The following CNTN5 variants were observed in gnomAD, a reference collection of about 807,000 sequenced individuals.
CNTN5 encodes the protein contactin 5, also known as contactin-5.
In CNTN5, 77 loss-of-function variants were observed where a neutral mutation model predicts 129.1. The observed-to-expected ratio is 0.60, with a 90% CI of 0.50 to 0.72. CNTN5 has a LOEUF of 0.72. Among genes scored for constraint, CNTN5 ranks in the 30% least tolerant of loss-of-function variants. CNTN5 has a pLI of 0.00. For missense variants in CNTN5, 1,478 were observed against 1,328.8 expected (o/e 1.11, Z -1.75); for synonymous variants, 509 against 465.6 (o/e 1.09, Z -1.20).
chr11:99,503,119 T>C (rs1434171495), intron 2 of CNTN5, among the ~76,000 whole-genome samples: 3 of 152,230 alleles, frequency 2.0e-5, no homozygotes, highest in Admixed American at 1.3e-4. Flanking sequence ...TTGACAAATA[T>C]GGTTCTTACT....
intron 3 of CNTN5, among the ~76,000 whole-genome samples, chr11:99,669,416 A>G (rs1952936947): frequency 6.6e-6 from 1 of 151,214 alleles, no homozygotes; most frequent in Admixed American, 6.6e-5. Context: ...GCAGTTCTTG[A>G]CTACCTTTTC....
At chr11:99,987,747 A>G (rs1179976905) in intron 8 of CNTN5, among the ~76,000 whole-genome samples, 4 of 152,102 alleles carry the variant, frequency 2.6e-5, no homozygotes, top group Non-Finnish European at 5.9e-5. Context: ...AGAATAAAAT[A>G]TTGAGGAAAA....
chr11:99,391,853 A>C (rs1243295721), intron 2 of CNTN5, among the ~76,000 whole-genome samples: 5 of 152,032 alleles, frequency 3.3e-5, no homozygotes, highest in Non-Finnish European at 5.9e-5. Context: ...CACAAGAGTC[A>C]GAATATTTAT....
intron 9 of CNTN5, among the ~76,000 whole-genome samples, chr11:100,008,451 A>G (rs1269976684): frequency 2.0e-5 from 3 of 152,126 alleles, no homozygotes; most frequent in Non-Finnish European, 4.4e-5. Context: ...TTTCATAAAT[A>G]TAGTAGACTA....
intron 23 of CNTN5, among the ~76,000 whole-genome samples, chr11:100,345,679 C>T (rs1170929516): frequency 6.6e-6 from 1 of 151,782 alleles, no homozygotes; most frequent in African/African-American, 2.4e-5. Flanking sequence ...CATATAATTG[C>T]ACAATAGGTA....
chr11:99,572,385 T>C (rs1358230619), intron 3 of CNTN5, among the ~76,000 whole-genome samples: 2 of 152,240 alleles, frequency 1.3e-5, no homozygotes, highest in African/African-American at 4.8e-5. Context: ...TGCAGCCTGC[T>C]GGCCACGGTT....
At chr11:99,587,467 A>C (rs1044841602) in intron 3 of CNTN5, among the ~76,000 whole-genome samples, 2 of 152,198 alleles carry the variant, frequency 1.3e-5, no homozygotes, top group Non-Finnish European at 2.9e-5. Context: ...GAGCAACCAG[A>C]TTCAATTACA....
chr11:99,449,630 A>G (rs1489867166), intron 2 of CNTN5, among the ~76,000 whole-genome samples: 1 of 152,144 alleles, frequency 6.6e-6, no homozygotes, highest in Non-Finnish European at 1.5e-5. Context: ...TGCTGTTCCT[A>G]CATGGACTCA....
intron 9 of CNTN5, among the ~76,000 whole-genome samples, chr11:100,010,326 G>T (rs901171590): frequency 6.6e-6 from 1 of 151,834 alleles, no homozygotes; most frequent in Non-Finnish European, 1.5e-5. Flanking sequence ...GGTAAGGGGG[G>T]AAAAAAAGAA....
In CNTN5 at chr11:99,052,453, G is replaced by A. The variant is rs570657972; in HGVS notation, c.-210+31183G>A. Reference sequence around the variant, plus strand: ...TGTGTTATAACTGTCTACAGTATTCGGTACAGTAACATGCTGTTCAGTTTT... The same window carrying A: ...TGTGTTATAACTGTCTACAGTATTCAGTACAGTAACATGCTGTTCAGTTTT... On this transcript the variant is annotated intron_variant, in intron 1 of 24. Transcript: ENST00000524871. Among the ~76,000 whole-genome samples, 85 of 151,830 alleles carry A rather than the reference G, an allele frequency of 5.6e-4. 1 individual carries two copies. In the South Asian group the frequency reaches 8.7e-3, roughly 16 times the overall value.
rs761147139 is a variant in CNTN5 at position 100,074,285 on chromosome 11, A to G, written c.1571A>G (p.Glu524Gly). The G allele has an allele frequency of 3.1e-6, 5 of 1,598,188 alleles. No homozygotes were observed. Among genetic ancestry groups the G allele is most frequent in the Non-Finnish European group, 4.3e-6 (5 of 1,171,522 alleles). The change falls in exon 13 of 25, where the codon GAA (glutamate) becomes GGA (glycine). Residue 524 changes from glutamate to glycine, a missense_variant. Physicochemically the swap from Glu to Gly is moderately conservative, Grantham distance 98. Transcript: ENST00000524871. ...SWKKGDRAVR[E>G]NKRIAILPDG... ...AAGAAAGGAGACAGAGCAGTTAGAGAAAACAAAAGGTTAGAATCTATTTTA... is the reference window on the plus strand; with the variant it reads ...AAGAAAGGAGACAGAGCAGTTAGAGGAAACAAAAGGTTAGAATCTATTTTA...
chr11:100,308,494 G>GCCTTATT, intron 21 of CNTN5, 26 bp downstream of exon 21: 1 of 1,594,994 alleles, frequency 6.3e-7, no homozygotes, highest in Non-Finnish European at 8.5e-7. Flanking sequence ...TTGAAAATAA[G>GCCTTATT]CCTTATTGTT....
chr11:99,992,257 C>T (rs1057187411), intron 8 of CNTN5, among the ~76,000 whole-genome samples: 1 of 152,178 alleles, frequency 6.6e-6, no homozygotes, highest in Non-Finnish European at 1.5e-5. Flanking sequence ...AAATATGCAA[C>T]AACAGGTATT....
intron 6 of CNTN5, among the ~76,000 whole-genome samples, chr11:99,856,925 C>T (rs558995072): frequency 2.0e-5 from 3 of 152,228 alleles, no homozygotes; most frequent in African/African-American, 7.2e-5. Context: ...CATGTTTTCT[C>T]TGCCTGCTGG....
At chr11:99,477,532 G>C (rs772204430) in intron 2 of CNTN5, among the ~76,000 whole-genome samples, 23 of 151,780 alleles carry the variant, frequency 1.5e-4, no homozygotes, top group Non-Finnish European at 3.4e-4. Flanking sequence ...CATATATAGA[G>C]ACAGAAATGG....
At chr11:99,299,642 G>T (rs1413208159) in intron 1 of CNTN5, among the ~76,000 whole-genome samples, 1 of 152,178 alleles carries the variant, frequency 6.6e-6, no homozygotes. Flanking sequence ...GTGAGAAAAT[G>T]TGGTATTTGA....
In CNTN5 at chr11:99,615,007, T is replaced by C. The variant is rs985148912; in HGVS notation, c.55+58738T>C. ...GGGAGACAGATAAATATAGAAGTAATACTATATCTATTTTATTATATATAC... is the reference window on the plus strand; with the variant it reads ...GGGAGACAGATAAATATAGAAGTAACACTATATCTATTTTATTATATATAC... On this transcript the variant is annotated intron_variant, in intron 3 of 24. Transcript: ENST00000524871. 1.3e-5 allele frequency among the ~76,000 whole-genome samples: 2 copies of C among 149,700 alleles called. 1 individual carries two copies.
chr11:100,297,170 TAAC>T (rs1006733847), intron 18 of CNTN5, among the ~76,000 whole-genome samples: 9 of 151,482 alleles, frequency 5.9e-5, no homozygotes, highest in South Asian at 2.1e-4. Flanking sequence ...TGCTAAGGTT[TAAC>T]AACAACAAAA....
chr11:99,095,214 C>T (rs1377985924), intron 1 of CNTN5, among the ~76,000 whole-genome samples: 1 of 151,718 alleles, frequency 6.6e-6, no homozygotes, highest in Non-Finnish European at 1.5e-5. Flanking sequence ...CAAATAAAAG[C>T]CTTACCTTTC....
Sources: allele counts gnomAD v4.1 joint callset (sites outside exome capture counted in the v4.1 genomes callset), GRCh38; gene constraint gnomAD v4.1.1; transcripts MANE v1.5; gene names NCBI Gene and HGNC (gene_info 2026-07-23, HGNC 2026-07-21).